OSBPL6: variants seen among roughly 807,000 people sequenced by gnomAD.
The protein encoded by OSBPL6 is oxysterol binding protein like 6.
OSBPL6 carries 49 observed loss-of-function variants against 125.8 expected under a neutral mutation model. That is an observed-to-expected ratio of 0.39 (90% CI 0.31 to 0.49). The LOEUF is 0.49. Ranked by LOEUF, OSBPL6 falls within the 20% of genes least tolerant of loss-of-function variation. OSBPL6 has a pLI of 0.88. For missense variants in OSBPL6, 986 were observed against 1,135.4 expected, an observed-to-expected ratio of 0.87 and a Z score of 1.89; for synonymous variants, 394 against 391.8, an observed-to-expected ratio of 1.01 and a Z score of -0.07.
chr2:178,370,679 G>A (rs772583838), intron 13 of OSBPL6, among the ~76,000 whole-genome samples: 32 of 152,106 alleles, frequency 2.1e-4, no homozygotes, highest in Non-Finnish European at 4.3e-4. Flanking sequence ...TTCTCAGATC[G>A]TCAGAGACAT....
chr2:178,320,175 G>A lies in OSBPL6; in HGVS notation c.103-4002G>A, dbSNP rs369037307. 4.5e-6 allele frequency: 6 copies of A among 1,327,474 alleles called. No individual in the cohort carries two copies. In the African/African-American group the frequency reaches 6.0e-5, roughly 13 times the overall value. The allele number at this position is 1,327,474 out of a possible 1,614,324, so 82.2% of individuals were successfully genotyped here. On this transcript the variant is annotated intron_variant, in intron 3 of 24. Coordinates refer to ENST00000190611, the MANE Select transcript of OSBPL6 (RefSeq NM_032523.4). ...CCAAACCATTCAGCTATTATTAAGT[G>A]TCTCATTGTCTGTCTGTTTACCTAT...
intron 21 of OSBPL6, among the ~76,000 whole-genome samples, chr2:178,390,381 G>A (rs1252430139): frequency 6.6e-6 from 1 of 152,190 alleles, no homozygotes; most frequent in Non-Finnish European, 1.5e-5. Context: ...AGGCAGGCCA[G>A]CCCACACATC....
chr2:178,236,929 G>A (rs545676382), intron 1 of OSBPL6, among the ~76,000 whole-genome samples: 10 of 152,120 alleles, frequency 6.6e-5, no homozygotes, highest in Non-Finnish European at 1.3e-4. Flanking sequence ...TGTTCTTCTG[G>A]TTTGGGTTTC....
intron 1 of OSBPL6, among the ~76,000 whole-genome samples, chr2:178,283,393 A>C (rs1327043424): frequency 2.0e-5 from 3 of 152,130 alleles, no homozygotes; most frequent in Non-Finnish European, 4.4e-5. Context: ...AGTAAAAAAA[A>C]AAAAGGAAAA....
At chr2:178,361,379 G>A (rs1168023925) in intron 12 of OSBPL6, among the ~76,000 whole-genome samples, 2 of 152,172 alleles carry the variant, frequency 1.3e-5, no homozygotes, top group African/African-American at 2.4e-5. Flanking sequence ...GGGATTATAA[G>A]TTAATTTCTA....
At chr2:178,277,251 A>T (rs1279920746) in intron 1 of OSBPL6, among the ~76,000 whole-genome samples, 1 of 152,184 alleles carries the variant, frequency 6.6e-6, no homozygotes, top group Non-Finnish European at 1.5e-5. Flanking sequence ...TGTAATATTT[A>T]TTCTTTGGAT....
In OSBPL6 at chr2:178,359,951, G is replaced by A. The variant is rs146438394; in HGVS notation, c.1154-1731G>A. 7.0e-3 allele frequency among the ~76,000 whole-genome samples: 1,073 copies of A among 152,298 alleles called. 7 individuals carry two copies. Among genetic ancestry groups the A allele is most frequent in the Non-Finnish European group, 0.011 (737 of 68,028 alleles). On this transcript the variant is annotated intron_variant, in intron 12 of 24. Coordinates refer to ENST00000190611, the MANE Select transcript of OSBPL6 (RefSeq NM_032523.4). Reference sequence around the variant, plus strand: ...AAATTACGAAAATTAGTCAGGCGTGGTGGTGCCTGCCTGTAATCCCAGCTA... The same window carrying A: ...AAATTACGAAAATTAGTCAGGCGTGATGGTGCCTGCCTGTAATCCCAGCTA...
rs763233814 is a variant in OSBPL6 at position 178,373,909 on chromosome 2, T to G, written c.1415T>G (p.Val472Gly). 1 of 1,614,098 alleles carries G rather than the reference T, an allele frequency of 6.2e-7. No homozygotes were observed. Among genetic ancestry groups the G allele is most frequent in the South Asian group, 1.1e-5 (1 of 91,072 alleles). Residue 472 changes from valine (V) to glycine (G), a missense_variant, in exon 15 of 25, where the codon GTC becomes GGC. Physicochemically the swap from Val to Gly is moderately radical, Grantham distance 109. Coordinates refer to ENST00000190611, the MANE Select transcript of OSBPL6 (RefSeq NM_032523.4). ...CTGCAGGCTGGTGAGCAAATCCATG[T>G]CAGTCTCCCCTTATCACAGCAAGTA... Reference protein sequence around the residue: ...SPDEAGEQIHVSLPLSQQVAN... With the variant: ...SPDEAGEQIHGSLPLSQQVAN...
rs143651832 is a variant in OSBPL6 at position 178,255,252 on chromosome 2, T to C, written c.-350-29675T>C. Among the ~76,000 whole-genome samples, 646 of 152,320 alleles carry C rather than the reference T, an allele frequency of 4.2e-3. 3 individuals are homozygous for C. Among genetic ancestry groups the C allele is most frequent in the African/African-American group, 0.015 (629 of 41,576 alleles). On this transcript the variant is annotated intron_variant, in intron 1 of 24. Coordinates refer to ENST00000190611, the MANE Select transcript of OSBPL6 (RefSeq NM_032523.4). ...CTGGGAGGCAGAAGTTGCATCAAGC[T>C]GAGATTGTGGCACTGCACTCCAGCC...
chr2:178,316,631 A>T (rs1228418420), intron 3 of OSBPL6, among the ~76,000 whole-genome samples: 2 of 152,236 alleles, frequency 1.3e-5, no homozygotes, highest in Non-Finnish European at 2.9e-5. Context: ...TGGATTGAAA[A>T]TATCCCCCCT....
At chr2:178,372,720 T>G (rs1204638997) in intron 14 of OSBPL6, among the ~76,000 whole-genome samples, 1 of 152,098 alleles carries the variant, frequency 6.6e-6, no homozygotes, top group Non-Finnish European at 1.5e-5. Context: ...CTGCTGCTAA[T>G]TAATAGCTGA....
intron 1 of OSBPL6, among the ~76,000 whole-genome samples, chr2:178,260,370 T>C (rs909607556): frequency 2.6e-5 from 4 of 152,156 alleles, no homozygotes; most frequent in Non-Finnish European, 5.9e-5. Flanking sequence ...TATGTATATG[T>C]ATATGTATAT....
At chr2:178,366,455 T>G (rs1458171424) in intron 13 of OSBPL6, among the ~76,000 whole-genome samples, 1 of 152,202 alleles carries the variant, frequency 6.6e-6, no homozygotes, top group Non-Finnish European at 1.5e-5. Flanking sequence ...CTAGAATCAC[T>G]GTATTTTATT....
chr2:178,199,898 A>G (rs2089147768), intron 1 of OSBPL6, among the ~76,000 whole-genome samples: 1 of 152,216 alleles, frequency 6.6e-6, no homozygotes, highest in African/African-American at 2.4e-5. Flanking sequence ...AGGAAAACAC[A>G]TATTTGGATA....
At chr2:178,295,776 ATTAT>A (rs1685692805) in intron 2 of OSBPL6, among the ~76,000 whole-genome samples, 1 of 151,904 alleles carries the variant, frequency 6.6e-6, no homozygotes, top group Non-Finnish European at 1.5e-5. Context: ...TAAAAATAAA[ATTAT>A]TTAAAGATTA....
At chr2:178,371,585 A>G (rs1693388372) in intron 13 of OSBPL6, among the ~76,000 whole-genome samples, 1 of 152,152 alleles carries the variant, frequency 6.6e-6, no homozygotes, top group African/African-American at 2.4e-5. Flanking sequence ...ACTGTCATAT[A>G]TATTAATTAT....
intron 20 of OSBPL6, among the ~76,000 whole-genome samples, chr2:178,388,753 G>C (rs1245356781): frequency 2.0e-5 from 3 of 152,056 alleles, no homozygotes; most frequent in Non-Finnish European, 4.4e-5. Flanking sequence ...CCATACTTCT[G>C]TCTCCAGAAA....
rs371679590 is a variant in OSBPL6, at chr2:178,291,792, G to GCCATCCATCCATCCATCCAT, written c.-156+6688_-156+6707dup. 1.3e-3 allele frequency among the ~76,000 whole-genome samples: 157 copies of GCCATCCATCCATCCATCCAT among 116,718 alleles called. 1 individual carries two copies. Among genetic ancestry groups the GCCATCCATCCATCCATCCAT allele is most frequent in the Middle Eastern group, 8.2e-3 (2 of 244 alleles). The allele number at this position is 116,718 out of a possible 152,430, so 76.6% of individuals were successfully genotyped here. ...TCCTTCCCTGTTTTCCTTCCTGCCT[G>GCCATCCATCCATCCATCCAT]CCATCCATCCATCCATCCATCCATC... is the stretch of plus-strand genomic sequence containing the variant. On this transcript the variant is annotated intron_variant, in intron 2 of 24. Coordinates refer to ENST00000190611, the MANE Select transcript of OSBPL6 (RefSeq NM_032523.4).
upstream of OSBPL6, chr2:178,194,472 A>T (rs1339485228): frequency 6.6e-6 from 1 of 151,978 alleles, no homozygotes; most frequent in African/African-American, 2.4e-5. Context: ...GCTGCAGCGC[A>T]GCGGACCACT....
Sources: gnomAD v4.1 joint callset for allele counts (sites outside exome capture counted in the v4.1 genomes callset) on GRCh38, gnomAD v4.1.1 for gene constraint, MANE v1.5 for transcripts, NCBI Gene and HGNC (gene_info 2026-07-23, HGNC 2026-07-21) for gene names.